CLVS1: variants seen among roughly 807,000 people sequenced by gnomAD.
The protein encoded by CLVS1 is clavesin 1.
A neutral mutation model predicts 33.1 loss-of-function variants in CLVS1; 10 were observed. That is an observed-to-expected ratio of 0.30 (90% CI 0.19 to 0.51). The LOEUF is 0.51. Among genes scored for constraint, CLVS1 ranks in the 20% least tolerant of loss-of-function variants. The pLI, the probability that CLVS1 is intolerant of heterozygous loss-of-function variation, is 0.97. For missense variants in CLVS1, 343 were observed against 433.4 expected, an observed-to-expected ratio of 0.79 and a Z score of 1.85; for synonymous variants, 163 against 166.1, an observed-to-expected ratio of 0.98 and a Z score of 0.14.
At chr8:61,202,289 T>G in intron 2 of CLVS1, 1 of 619,178 alleles carries the variant, frequency 1.6e-6, no homozygotes, top group Admixed American at 2.6e-5. Flanking sequence ...GGCTGTTCTC[T>G]GGAGCAGCAT....
chr8:61,499,351 T>TGTC, intron 5 of CLVS1, 104 bp from the exon 6 acceptor site: 1 of 709,908 alleles, frequency 1.4e-6, no homozygotes, highest in Non-Finnish European at 2.5e-6. Flanking sequence ...AATTTTTGAG[T>TGTC]GTCTATTAAA....
the CLVS1 span, among the ~76,000 whole-genome samples, chr8:60,991,037 C>G: frequency 4.6e-5 from 7 of 152,258 alleles, no homozygotes; most frequent in Admixed American, 2.0e-4. Flanking sequence ...TACTGAATAC[C>G]TATCTTATGC....
intron 2 of CLVS1, among the ~76,000 whole-genome samples, chr8:61,177,860 C>T (rs775603839): frequency 6.0e-5 from 9 of 149,470 alleles, no homozygotes; most frequent in African/African-American, 9.8e-5. Context: ...CCTCAAAGAT[C>T]GACTAGACAA....
At chr8:61,425,547 C>T (rs1243209118) in intron 3 of CLVS1, among the ~76,000 whole-genome samples, 1 of 152,198 alleles carries the variant, frequency 6.6e-6, no homozygotes, top group East Asian at 1.9e-4. Context: ...TTACCACTAT[C>T]TAATTCCAGA....
chr8:61,423,816 T>C (rs1180265517), intron 3 of CLVS1, among the ~76,000 whole-genome samples: 1 of 152,192 alleles, frequency 6.6e-6, no homozygotes, highest in African/African-American at 2.4e-5. Context: ...CAGGTATGAA[T>C]GGACTGAACT....
chr8:61,140,920 C>T (rs1203826944), intron 2 of CLVS1, among the ~76,000 whole-genome samples: 2 of 152,098 alleles, frequency 1.3e-5, no homozygotes, highest in Non-Finnish European at 2.9e-5. Flanking sequence ...TCAGTGGTGA[C>T]GTATTACAGT....
intron 2 of CLVS1, among the ~76,000 whole-genome samples, chr8:61,197,033 C>T (rs898622055): frequency 6.6e-6 from 1 of 152,190 alleles, no homozygotes; most frequent in African/African-American, 2.4e-5. Flanking sequence ...CAACCTTTCT[C>T]AATCAGGGGT....
At chr8:61,058,565 C>T (rs111616820) in intron 1 of CLVS1, among the ~76,000 whole-genome samples, 2 of 152,138 alleles carry the variant, frequency 1.3e-5, no homozygotes, top group African/African-American at 4.8e-5. Flanking sequence ...ATACAATACA[C>T]CACAAATGTG....
intron 1 of CLVS1, among the ~76,000 whole-genome samples, chr8:61,076,383 C>T (rs1804911048): frequency 6.6e-6 from 1 of 152,190 alleles, no homozygotes; most frequent in Admixed American, 6.5e-5. Context: ...CCTGTGAAAT[C>T]AGATATTCAC....
chr8:61,053,286 G>A (rs1214569243), upstream of CLVS1, among the ~76,000 whole-genome samples: 3 of 152,154 alleles, frequency 2.0e-5, no homozygotes, highest in South Asian at 2.1e-4. Context: ...TGGAGTGCAG[G>A]TAGAGGCTAG....
chr8:61,391,376 G>A (rs1343246617), intron 3 of CLVS1: 2 of 152,222 alleles, frequency 1.3e-5, no homozygotes, highest in Admixed American at 1.3e-4. Flanking sequence ...ATGGGATGAA[G>A]ATTAACTTGA....
intron 2 of CLVS1, among the ~76,000 whole-genome samples, chr8:61,168,926 A>C (rs1806935084): frequency 6.6e-6 from 1 of 152,250 alleles, no homozygotes; most frequent in African/African-American, 2.4e-5. Flanking sequence ...ATACTGCTCC[A>C]GACGTCAACT....
chr8:61,307,119 T>C lies in CLVS1; in HGVS notation c.455+6837T>C, dbSNP rs184687456. Among the ~76,000 whole-genome samples the C allele has an allele frequency of 1.9e-3, 283 of 152,332 alleles. 1 individual carries two copies. The highest frequency in any genetic ancestry group is 0.017 in the Middle Eastern group (5 of 294). ...AATACACTATAATAGTATCCATTAG[T>C]GTTGTGTAGACCAGCTATGGTCCCC... On this transcript the variant is annotated intron_variant, in intron 2 of 5. Transcript: ENST00000325897.
At chr8:61,344,484 G>A (rs1812134524) in intron 2 of CLVS1, among the ~76,000 whole-genome samples, 1 of 152,186 alleles carries the variant, frequency 6.6e-6, no homozygotes, top group Admixed American at 6.5e-5. Context: ...AGGGCAAGAG[G>A]CTTAGCTCAA....
At chr8:61,438,922 A>T (rs1816442116) in intron 3 of CLVS1, among the ~76,000 whole-genome samples, 1 of 152,196 alleles carries the variant, frequency 6.6e-6, no homozygotes, top group South Asian at 2.1e-4. Flanking sequence ...ATTCTTAGCT[A>T]TTAAATTATC....
At chr8:61,078,967 C>G (rs1466986253) in intron 1 of CLVS1, among the ~76,000 whole-genome samples, 1 of 151,750 alleles carries the variant, frequency 6.6e-6, no homozygotes, top group Non-Finnish European at 1.5e-5. Context: ...TAGAATTTTC[C>G]AAGAACAACA....
chr8:61,335,699 GTA>G (rs1297619413), intron 2 of CLVS1, among the ~76,000 whole-genome samples: 1 of 152,046 alleles, frequency 6.6e-6, no homozygotes. Context: ...CCAATTTAAG[GTA>G]TATATTGTCT....
At chr8:61,202,339 T>G (rs1310463438) in intron 2 of CLVS1, 4 of 726,424 alleles carry the variant, frequency 5.5e-6, no homozygotes, top group African/African-American at 3.5e-5. Flanking sequence ...CCTAAGTGCG[T>G]GCTGCCTCCC....
chr8:61,354,630 T>C (rs1812613443), intron 2 of CLVS1, among the ~76,000 whole-genome samples: 2 of 152,166 alleles, frequency 1.3e-5, no homozygotes, highest in South Asian at 4.1e-4. Flanking sequence ...ATCCATACCA[T>C]TGATTACTAC....
Sources: allele counts gnomAD v4.1 joint callset (sites outside exome capture counted in the v4.1 genomes callset), GRCh38; gene constraint gnomAD v4.1.1; transcripts MANE v1.5; gene names NCBI Gene and HGNC (gene_info 2026-07-23, HGNC 2026-07-21).